Variants in SHARPIN observed in about 807,000 individuals in gnomAD.
The protein encoded by SHARPIN is hSIPL1.
In SHARPIN, 25 loss-of-function variants were observed where a neutral mutation model predicts 40.3. The ratio of observed to expected loss-of-function variants is 0.62; its 90% CI spans 0.45 to 0.87. The LOEUF is 0.87. Ranked by LOEUF, SHARPIN falls within the 40% of genes least tolerant of loss-of-function variation. The probability of loss-of-function intolerance (pLI) is 0.00; values close to 1 mark genes in which losing one functional copy is unlikely to be tolerated. For missense variants in SHARPIN, 551 were observed against 516.1 expected, an observed-to-expected ratio of 1.07 and a Z score of -0.66; for synonymous variants, 274 against 221.8, an observed-to-expected ratio of 1.24 and a Z score of -2.09.
chr8:144,099,243 CA>C, intron 6 of SHARPIN, 33 bp downstream of exon 6: 2 of 1,613,276 alleles, frequency 1.2e-6, no homozygotes, highest in Non-Finnish European at 1.7e-6. Context: ...GGCTGCACCC[CA>C]CCTCCCACAC....
In SHARPIN at chr8:144,099,365, C is replaced by G. The variant is rs1564313174; in HGVS notation, c.834G>C (p.Val278=). The G allele has an allele frequency of 1.9e-6, 3 of 1,613,930 alleles. No homozygotes were observed. The highest frequency in any genetic ancestry group is 2.5e-6 in the Non-Finnish European group (3 of 1,179,906). Residue 278 remains valine, a synonymous_variant, in exon 6 of 9, where the codon GTG becomes GTC. Coordinates refer to ENST00000398712, the MANE Select transcript of SHARPIN (RefSeq NM_030974.4). Reference sequence around the variant, plus strand: ...CGTAAGAGGCAAGGCTGCGCTCAGGCACACACAGGCACCGTCCGATGACCC... The same window carrying G: ...CGTAAGAGGCAAGGCTGCGCTCAGGGACACACAGGCACCGTCCGATGACCC... ...QRWVIGRCLC[V]PERSLASYGV...
In SHARPIN at chr8:144,103,673, C is replaced by T; in HGVS notation, c.81G>A (p.Ala27=). Residue 27 remains alanine, a synonymous_variant, in exon 1 of 9, where the codon GCG becomes GCA. Coordinates refer to ENST00000398712, the MANE Select transcript of SHARPIN (RefSeq NM_030974.4). ...CTGGCCCGGCGCCCAGCGGCCTCACCGCGGCGTGCACAGCCAAGAGCACTG... is the reference window on the plus strand; with the variant it reads ...CTGGCCCGGCGCCCAGCGGCCTCACTGCGGCGTGCACAGCCAAGAGCACTG... ...SAAVLLAVHA[A]VRPLGAGPDA... The T allele has an allele frequency of 6.6e-7, 1 of 1,521,254 alleles. No homozygotes were observed. The highest frequency in any genetic ancestry group is 1.2e-5 in the South Asian group (1 of 83,144). 94.2% of individuals were successfully genotyped at this position (1,521,254 alleles called of 1,614,324 possible).
chr8:144,103,725 G>A lies in SHARPIN; in HGVS notation c.29C>T (p.Ala10Val). The A allele has an allele frequency of 7.2e-7, 1 of 1,394,848 alleles. No homozygotes were observed. Among genetic ancestry groups the A allele is most frequent in the Non-Finnish European group, 9.3e-7 (1 of 1,080,938 alleles). The allele number at this position is 1,394,848 out of a possible 1,614,324, so 86.4% of individuals were successfully genotyped here. A position where few individuals can be genotyped will look rare whatever the true frequency, so the allele number is the denominator to read the frequency against. MAPPAGGAA[A>V]AASDLGSAAV... ...GGCGGAGCCCAAGTCCGAGGCCGCC[G>A]CCGCCGCCCCGCCCGCTGGCGGCGC... Residue 10 changes from alanine to valine, a missense_variant, in exon 1 of 9, where the codon GCG becomes GTG. Transcript: ENST00000398712.
In SHARPIN at chr8:144,103,596, G is replaced by A. The variant is rs753128050; in HGVS notation, c.158C>T (p.Pro53Leu). The stretch of plus-strand genomic sequence containing the variant: ...CAGCAGCTCCAGCCGGAAGCGCCCA[G>A]GCCGCTCAGGGTCCGCGCTCAGCTG... ...RLQLSADPER[P>L]GRFRLELLGA... The change falls in exon 1 of 9, where the codon CCT (proline) becomes CTT (leucine). Residue 53 changes from proline (P) to leucine (L), a missense_variant. By Grantham distance (98) the Pro-to-Leu change is moderately conservative. Coordinates refer to ENST00000398712, the MANE Select transcript of SHARPIN (RefSeq NM_030974.4). The A allele has an allele frequency of 2.6e-6, 4 of 1,531,118 alleles. No individual in the cohort carries two copies. The highest frequency in any genetic ancestry group is 3.5e-6 in the Non-Finnish European group (4 of 1,145,180). The allele number at this position is 1,531,118 out of a possible 1,614,324, so 94.8% of individuals were successfully genotyped here.
chr8:144,103,756 C>A lies in SHARPIN; in HGVS notation c.-3G>T. The A allele has an allele frequency of 7.3e-7, 1 of 1,369,900 alleles. No homozygotes were observed. The allele number at this position is 1,369,900 out of a possible 1,614,324, so 84.9% of individuals were successfully genotyped here. A position where few individuals can be genotyped will look rare whatever the true frequency, so the allele number is the denominator to read the frequency against. On this transcript the variant is annotated 5_prime_UTR_variant, in exon 1 of 9. Transcript: ENST00000398712. ...GCCCCGCCCGCTGGCGGCGCCATCT[C>A]CGGTCCGGCCGGGTCCCACCCCTCC...
In SHARPIN at chr8:144,103,139, A is replaced by T; in HGVS notation, c.288T>A (p.Pro96=). The change falls in exon 2 of 9, where the codon CCT becomes CCA. Residue 96 remains proline (P), a synonymous_variant. Coordinates refer to ENST00000398712, the MANE Select transcript of SHARPIN (RefSeq NM_030974.4). ...TGAGGAAGTGCAGGCTGAGGGTTCC[A>T]GGCCCTCCTGGTGGAGGCTGTAGCT... ...QHELQPPPGG[P]GTLSLHFLNP... 1.9e-6 allele frequency: 3 copies of T among 1,613,700 alleles called. No individual in the cohort carries two copies. Among genetic ancestry groups the T allele is most frequent in the Non-Finnish European group, 2.5e-6 (3 of 1,179,968 alleles).
At position 144,103,727 on chromosome 8, in the gene SHARPIN, C is replaced by T. The variant is rs1836343715; in HGVS notation, c.27G>A (p.Ala9=). MAPPAGGA[A]AAASDLGSAA... ...CGGAGCCCAAGTCCGAGGCCGCCGC[C>T]GCCGCCCCGCCCGCTGGCGGCGCCA... Residue 9 remains alanine, a synonymous_variant, in exon 1 of 9, where the codon GCG becomes GCA. Coordinates refer to ENST00000398712, the MANE Select transcript of SHARPIN (RefSeq NM_030974.4). 7.2e-7 allele frequency: 1 copy of T among 1,392,168 alleles called. No homozygotes were observed. The highest frequency in any genetic ancestry group is 9.3e-7 in the Non-Finnish European group (1 of 1,079,448). The allele number at this position is 1,392,168 out of a possible 1,614,324, so 86.2% of individuals were successfully genotyped here.
In SHARPIN at chr8:144,099,578, C is replaced by T. The variant is rs201533448; in HGVS notation, c.700G>A (p.Ala234Thr). Reference sequence around the variant, plus strand: ...AGGGCAACGTGTGCAGAGGACGCGGCGGATGCGGCAGAGGCAGCGTCTTCA... The same window carrying T: ...AGGGCAACGTGTGCAGAGGACGCGGTGGATGCGGCAGAGGCAGCGTCTTCA... ...TLEDAASAAS[A>T]ASSAHVALQV... is the part of the protein sequence containing the mutation. The change falls in exon 5 of 9, where the codon GCC becomes ACC. Residue 234 changes from alanine (A) to threonine (T), a missense_variant. By Grantham distance (58) the Ala-to-Thr change is moderately conservative (BLOSUM62 0). Transcript: ENST00000398712. The T allele has an allele frequency of 3.6e-5, 58 of 1,614,064 alleles. No homozygotes were observed. The highest frequency in any genetic ancestry group is 1.0e-4 in the Admixed American group (6 of 60,018).
chr8:144,100,075 G>A lies in SHARPIN; in HGVS notation c.377-6C>T. On this transcript the variant is annotated splice_region_variant and splice_polypyrimidine_tract_variant and intron_variant, in intron 2 of 8. Transcript: ENST00000398712. ...TGGTGAGTTGCTCTTGCTGCCTAGA[G>A]GTAAGATATGGGTGTGCTGTGCTGT... 1 of 1,565,960 alleles carries A rather than the reference G, an allele frequency of 6.4e-7. No individual in the cohort carries two copies. The highest frequency in any genetic ancestry group is 8.6e-7 in the Non-Finnish European group (1 of 1,156,636).
intron 2 of SHARPIN, 136 bp from the exon 3 acceptor site, chr8:144,100,205 C>T: frequency 9.3e-7 from 1 of 1,080,556 alleles, no homozygotes; most frequent in Non-Finnish European, 1.3e-6. Context: ...TCTAGCCACA[C>T]CTTCTCCCAG....
chr8:144,103,433 A>T (rs766514476), intron 1 of SHARPIN, 120 bp downstream of exon 1: 157 of 1,184,620 alleles, frequency 1.3e-4, no homozygotes, highest in Non-Finnish European at 1.8e-4. Flanking sequence ...ACGAGAAAAC[A>T]GAAGCAAAGA....
chr8:144,099,423 G>C lies in SHARPIN; in HGVS notation c.776C>G (p.Ser259Ter). 8 of 1,611,768 alleles carry C rather than the reference G, an allele frequency of 5.0e-6. No homozygotes were observed. Among genetic ancestry groups the C allele is most frequent in the Non-Finnish European group, 6.8e-6 (8 of 1,178,802 alleles). ...TVAALQEQVF[S>*]ELGFPPAVQR... Reference sequence around the variant, plus strand: ...CACGGCTGGCGGGAAACCGAGCTCTGAGAACACCTGTGGCCAGAGCATCAG... The same window carrying C: ...CACGGCTGGCGGGAAACCGAGCTCTCAGAACACCTGTGGCCAGAGCATCAG... Residue 259 changes from serine (S) to a stop codon, truncating the protein, a stop_gained, in exon 6 of 9, where the codon TCA (serine) becomes TGA (stop). Transcript: ENST00000398712. LOFTEE classifies it high-confidence loss of function.
intron 2 of SHARPIN, among the ~76,000 whole-genome samples, chr8:144,101,998 T>C (rs2129994053): frequency 6.6e-6 from 1 of 152,364 alleles, no homozygotes; most frequent in Middle Eastern, 3.4e-3. Flanking sequence ...ATCTCGTTTG[T>C]GGGCTGCCCT....
In SHARPIN at chr8:144,101,403, AT is replaced by A. The variant is rs34270727; in HGVS notation, c.377-1335del. Among the ~76,000 whole-genome samples, 416 of 92,408 alleles carry A rather than the reference AT, an allele frequency of 4.5e-3. 1 individual carries two copies. The highest frequency in any genetic ancestry group is 0.014 in the African/African-American group (315 of 22,104). The allele number at this position is 92,408 out of a possible 152,430, so 60.6% of individuals were successfully genotyped here. ...AGGCAGACACGACTACACTCAGCTA[AT>A]TTTTTTTTTTTTTTTTTTTTGTGAG... On this transcript the variant is annotated intron_variant, in intron 2 of 8. Transcript: ENST00000398712.
chr8:144,103,206 AG>A lies in SHARPIN; in HGVS notation c.220del (p.Leu74TrpfsTer42), dbSNP rs1432748871. On this transcript the variant is annotated frameshift_variant, in exon 2 of 9. Transcript: ENST00000398712. LOFTEE classifies it high-confidence loss of function. The stretch of plus-strand genomic sequence containing the variant: ...TCGGATGGTGTAGGAAACTGACTCC[AG>A]GGGCCACTCCAAATTAACCTGAGAA... ...GPGAVNLEWP[L>X]ESVSYTIRGP... The A allele has an allele frequency of 1.3e-5, 21 of 1,609,556 alleles. No homozygotes were observed. Among genetic ancestry groups the A allele is most frequent in the Non-Finnish European group, 1.8e-5 (21 of 1,177,870 alleles).
chr8:144,103,434 G>C (rs1019367659), intron 1 of SHARPIN, 119 bp downstream of exon 1: 205 of 1,189,450 alleles, frequency 1.7e-4, no homozygotes, highest in Non-Finnish European at 2.3e-4. Flanking sequence ...CGAGAAAACA[G>C]AAGCAAAGAA....
chr8:144,101,461 T>G (rs941646361), intron 2 of SHARPIN, among the ~76,000 whole-genome samples: 3 of 141,664 alleles, frequency 2.1e-5, no homozygotes, highest in South Asian at 2.2e-4. Flanking sequence ...CAGGCTGGAG[T>G]GCAGTGGTGC....
Position 144,100,038 on chromosome 8 carries a change from G to T in SHARPIN, c.408C>A (p.Gly136=), listed in dbSNP as rs1294030737. The T allele has an allele frequency of 6.3e-7, 1 of 1,588,988 alleles. No homozygotes were observed. The highest frequency in any genetic ancestry group is 8.6e-7 in the Non-Finnish European group (1 of 1,167,780). ...GCAGGGAGACAGGGCATGCTTCTGG[G>T]CCCAAGGCTGGTGGTGAGTTGCTCT... The part of the protein sequence containing the change: ...GSKSNSPPAL[G]PEACPVSLPS... The change falls in exon 3 of 9, where the codon GGC becomes GGA. Residue 136 remains glycine, a synonymous_variant. Transcript: ENST00000398712.
At position 144,101,404 on chromosome 8, in the gene SHARPIN, T is replaced by TA. The variant is rs1836284605; in HGVS notation, c.377-1336_377-1335insT. 6.9e-4 allele frequency among the ~76,000 whole-genome samples: 4 copies of TA among 5,756 alleles called. No individual in the cohort carries two copies. The Admixed American group carries it at 0.017, about 25-fold the overall frequency. 3.8% of individuals were successfully genotyped at this position (5,756 alleles called of 152,430 possible). Reference sequence around the variant, plus strand: ...GGCAGACACGACTACACTCAGCTAATTTTTTTTTTTTTTTTTTTTTGTGAG... The same window carrying TA: ...GGCAGACACGACTACACTCAGCTAATATTTTTTTTTTTTTTTTTTTTGTGAG... On this transcript the variant is annotated intron_variant, in intron 2 of 8. Transcript: ENST00000398712.
Sources: allele counts gnomAD v4.1 joint callset (sites outside exome capture counted in the v4.1 genomes callset), GRCh38; gene constraint gnomAD v4.1.1; transcripts MANE v1.5; gene names NCBI Gene and HGNC (gene_info 2026-07-23, HGNC 2026-07-21).